Variants in FIGN observed in about 807,000 individuals in gnomAD.
FIGN encodes the protein fidgetin, microtubule severing factor.
A neutral mutation model predicts 51.3 loss-of-function variants in FIGN; 11 were observed. The observed-to-expected ratio is 0.21, with a 90% CI of 0.13 to 0.35. The LOEUF (loss-of-function observed/expected upper bound fraction) is 0.35, where lower values mean the gene tolerates loss of function less well. Ranked by LOEUF, FIGN falls within the 10% of genes least tolerant of loss-of-function variation. FIGN has a pLI of 1.00. For missense variants in FIGN, 857 were observed against 943.6 expected (o/e 0.91, Z 1.20); for synonymous variants, 407 against 363.2 (o/e 1.12, Z -1.37).
chr2:163,610,986 G>A lies in FIGN; in HGVS notation c.846C>T (p.Pro282=), dbSNP rs772590462. 7 of 1,613,794 alleles carry A rather than the reference G, an allele frequency of 4.3e-6. No homozygotes were observed. Among genetic ancestry groups the A allele is most frequent in the South Asian group, 1.1e-5 (1 of 91,080 alleles). Residue 282 remains proline (P), a synonymous_variant, in exon 3 of 3, where the codon CCC becomes CCT. Transcript: ENST00000333129. ...GAACAGTGGTGGGGGGTAGGGGGGTGGGAGCAGGAATTCCTGAAGGCAGGT... is the reference window on the plus strand; with the variant it reads ...GAACAGTGGTGGGGGGTAGGGGGGTAGGAGCAGGAATTCCTGAAGGCAGGT... ...SAYLPSGIPA[P]TPLPPTTVPG...
At chr2:163,710,801 G>A (rs908662873) in intron 2 of FIGN, among the ~76,000 whole-genome samples, 1 of 152,034 alleles carries the variant, frequency 6.6e-6, no homozygotes, top group Non-Finnish European at 1.5e-5. Context: ...ATCTAGTAGA[G>A]TTCCTACCCT....
chr2:163,634,454 C>T (rs1020567863), intron 2 of FIGN, among the ~76,000 whole-genome samples: 1 of 150,128 alleles, frequency 6.7e-6, no homozygotes, highest in Admixed American at 6.6e-5. Flanking sequence ...TGCTCTTCCT[C>T]ACTCTACACC....
intron 2 of FIGN, among the ~76,000 whole-genome samples, chr2:163,715,675 T>C (rs1684656488): frequency 6.6e-6 from 1 of 152,120 alleles, no homozygotes; most frequent in Admixed American, 6.5e-5. Context: ...AAATAAACAT[T>C]TTCCTTTTAT....
chr2:163,655,420 A>G (rs1683543624), intron 2 of FIGN, among the ~76,000 whole-genome samples: 1 of 152,164 alleles, frequency 6.6e-6, no homozygotes, highest in Non-Finnish European at 1.5e-5. Flanking sequence ...TAACAACTAT[A>G]CAGCCCATGA....
At chr2:163,642,176 G>A (rs1683315901) in intron 2 of FIGN, among the ~76,000 whole-genome samples, 1 of 152,164 alleles carries the variant, frequency 6.6e-6, no homozygotes, top group South Asian at 2.1e-4. Context: ...CCCATTGAGA[G>A]TTTATTTTCT....
At chr2:163,652,865 A>G (rs934475209) in intron 2 of FIGN, among the ~76,000 whole-genome samples, 1 of 152,174 alleles carries the variant, frequency 6.6e-6, no homozygotes, top group Non-Finnish European at 1.5e-5. Context: ...AAACAGTAAC[A>G]ACAACCAGAA....
chr2:163,629,952 CTTTTTTTTTT>C (rs71297448), intron 2 of FIGN, among the ~76,000 whole-genome samples: 699 of 56,896 alleles, frequency 0.012, 7 homozygotes, highest in African/African-American at 0.029. Context: ...GAAAGGGGCA[CTTTTTTTTTT>C]TTTTTTTTTT....
chr2:163,679,411 G>T (rs1684023027), intron 2 of FIGN, among the ~76,000 whole-genome samples: 1 of 151,934 alleles, frequency 6.6e-6, no homozygotes, highest in South Asian at 2.1e-4. Flanking sequence ...CAGGAGAATG[G>T]TGTGAACCTG....
chr2:163,683,187 G>C (rs977400695), intron 2 of FIGN, among the ~76,000 whole-genome samples: 6 of 152,136 alleles, frequency 3.9e-5, no homozygotes, highest in Admixed American at 2.6e-4. Context: ...AAGTGAAATA[G>C]TTTTTAAAAG....
At chr2:163,696,201 G>C (rs1050617223) in intron 2 of FIGN, among the ~76,000 whole-genome samples, 1 of 152,050 alleles carries the variant, frequency 6.6e-6, no homozygotes, top group Non-Finnish European at 1.5e-5. Flanking sequence ...AAAAGAAGAA[G>C]ACTGTTAATG....
At chr2:163,633,092 G>T (rs191842599) in intron 2 of FIGN, among the ~76,000 whole-genome samples, 2 of 152,246 alleles carry the variant, frequency 1.3e-5, no homozygotes, top group African/African-American at 4.8e-5. Flanking sequence ...GCTGAGATGG[G>T]AGGATTGCTT....
At chr2:163,712,649 G>GT (rs59441285) in intron 2 of FIGN, among the ~76,000 whole-genome samples, 35 of 151,688 alleles carry the variant, frequency 2.3e-4, no homozygotes, top group African/African-American at 8.5e-4. Context: ...ATGTTGTGAG[G>GT]TTTTTTTTAA....
At chr2:163,705,055 A>C (rs1003004109) in intron 2 of FIGN, among the ~76,000 whole-genome samples, 1 of 152,162 alleles carries the variant, frequency 6.6e-6, no homozygotes, top group Non-Finnish European at 1.5e-5. Flanking sequence ...ATTCTGTGAC[A>C]ACTTTATAAC....
At chr2:163,667,496 C>T (rs1398046600) in intron 2 of FIGN, among the ~76,000 whole-genome samples, 1 of 152,170 alleles carries the variant, frequency 6.6e-6, no homozygotes, top group Non-Finnish European at 1.5e-5. Flanking sequence ...TTTCCAGCTC[C>T]ATTCCCTCCA....
chr2:163,645,633 T>C (rs1298013655), intron 2 of FIGN, among the ~76,000 whole-genome samples: 3 of 152,164 alleles, frequency 2.0e-5, no homozygotes, highest in East Asian at 3.9e-4. Flanking sequence ...AGGGGCCCTT[T>C]GGATCCTGAC....
At position 163,611,839 on chromosome 2, in the gene FIGN, C is replaced by T. The variant is rs555584457; in HGVS notation, c.26-33G>A. 6.4e-6 allele frequency: 10 copies of T among 1,557,344 alleles called. No homozygotes were observed. The East Asian group carries it at 2.3e-4, about 35-fold the overall frequency. ...TTTTGGGGGGAAAAGAGTTAATTTA[C>T]TTAAATAGGCATCAGAACTCTTAAA... On this transcript the variant is annotated intron_variant, in intron 2 of 2. Coordinates refer to ENST00000333129, the MANE Select transcript of FIGN (RefSeq NM_018086.4).
At chr2:163,703,624 C>T (rs1349155359) in intron 2 of FIGN, among the ~76,000 whole-genome samples, 2 of 152,032 alleles carry the variant, frequency 1.3e-5, no homozygotes, top group Non-Finnish European at 2.9e-5. Flanking sequence ...CATTTCTGAC[C>T]TTTGAACTCT....
chr2:163,652,351 CACACACACAA>C (rs1413546290), intron 2 of FIGN, among the ~76,000 whole-genome samples: 52 of 134,594 alleles, frequency 3.9e-4, no homozygotes, highest in African/African-American at 9.3e-4. Context: ...CCAACACACA[CACACACACAA>C]ACACACACAC....
At chr2:163,659,600 T>C (rs919626759) in intron 2 of FIGN, among the ~76,000 whole-genome samples, 1 of 152,326 alleles carries the variant, frequency 6.6e-6, no homozygotes, top group South Asian at 2.1e-4. Context: ...CAGAGAATCA[T>C]ATCAAGTGGT....
Sources: gnomAD v4.1 joint callset for allele counts (sites outside exome capture counted in the v4.1 genomes callset) on GRCh38, gnomAD v4.1.1 for gene constraint, MANE v1.5 for transcripts, NCBI Gene and HGNC (gene_info 2026-07-23, HGNC 2026-07-21) for gene names.